CHD9: variants seen among roughly 807,000 people sequenced by gnomAD.
The protein encoded by CHD9 is chromodomain helicase DNA binding protein 9, also known as ATP-dependent chromatin remodeler CHD9.
A neutral mutation model predicts 316.1 loss-of-function variants in CHD9; 77 were observed. The observed-to-expected ratio is 0.24, with a 90% CI of 0.20 to 0.29. The LOEUF is 0.29. Among genes scored for constraint, CHD9 ranks in the 10% least tolerant of loss-of-function variants. The probability of loss-of-function intolerance (pLI) is 1.00; values close to 1 mark genes in which losing one functional copy is unlikely to be tolerated. For missense variants in CHD9, 2,763 were observed against 3,438.1 expected (o/e 0.80, Z 4.91); for synonymous variants, 1,129 against 1,158.3 (o/e 0.97, Z 0.51).
intron 31 of CHD9, among the ~76,000 whole-genome samples, chr16:53,305,664 A>G (rs1290070943): frequency 6.6e-6 from 1 of 152,214 alleles, no homozygotes; most frequent in Non-Finnish European, 1.5e-5. Context: ...GCTTGTCAGC[A>G]GAACAGTGTT....
At chr16:53,210,290 C>CA (rs5816890) in intron 3 of CHD9, among the ~76,000 whole-genome samples, 1,162 of 112,046 alleles carry the variant, frequency 0.01, 8 homozygotes, top group South Asian at 0.025. Context: ...AATGAAATGG[C>CA]AAAAAAAAAA....
At position 53,273,833 on chromosome 16, in the gene CHD9, T is replaced by C. The variant is rs543267959; in HGVS notation, c.4877+48T>C. ...ACAACTCTTTAAATGTTTACTGTTC[T>C]GAATTTATTAATACTCTTTAAGCTT... On this transcript the variant is annotated intron_variant, in intron 23 of 38. Transcript: ENST00000447540. The C allele has an allele frequency of 2.7e-6, 4 of 1,502,576 alleles. No individual in the cohort carries two copies. In the African/African-American group the frequency reaches 5.6e-5, roughly 21 times the overall value. The allele number at this position is 1,502,576 out of a possible 1,614,324, so 93.1% of individuals were successfully genotyped here.
Position 53,268,052 on chromosome 16 carries a change from A to C in CHD9, c.4643A>C (p.Lys1548Thr). The C allele has an allele frequency of 1.9e-6, 3 of 1,613,478 alleles. No homozygotes were observed. The highest frequency in any genetic ancestry group is 2.5e-6 in the Non-Finnish European group (3 of 1,179,644). Residue 1548 changes from lysine (K) to threonine (T), a missense_variant, in exon 22 of 39, where the codon AAG becomes ACG. This residue lies in a region of CHD9 where 99 missense variants were observed against 131.6 expected (regional missense o/e 0.75). Coordinates refer to ENST00000447540, the MANE Select transcript of CHD9 (RefSeq NM_001308319.2). ...YCLVHYRGDE[K>T]IKGFIWDLIT... Reference sequence around the variant, plus strand: ...CTTGTTCACTACCGAGGAGATGAGAAGATTAAAGGTTTCATATGGGATCTC... The same window carrying C: ...CTTGTTCACTACCGAGGAGATGAGACGATTAAAGGTTTCATATGGGATCTC...
chr16:53,105,129 C>T (rs1327711516), intron 1 of CHD9, among the ~76,000 whole-genome samples: 1 of 152,156 alleles, frequency 6.6e-6, no homozygotes, highest in African/African-American at 2.4e-5. Flanking sequence ...AGACATGAGT[C>T]ACCACGCGCA....
intron 2 of CHD9, among the ~76,000 whole-genome samples, chr16:53,170,872 T>G (rs1447831851): frequency 6.6e-6 from 1 of 152,064 alleles, no homozygotes; most frequent in African/African-American, 2.4e-5. Context: ...TTTTGAACAC[T>G]TATCATAAAT....
intron 1 of CHD9, among the ~76,000 whole-genome samples, chr16:53,093,286 C>G (rs1424369642): frequency 6.6e-6 from 1 of 152,168 alleles, no homozygotes; most frequent in African/African-American, 2.4e-5. Flanking sequence ...TTCTCTGAAT[C>G]GCATTAACTC....
chr16:53,225,613 C>CA (rs1475979250), intron 4 of CHD9, among the ~76,000 whole-genome samples: 1 of 151,980 alleles, frequency 6.6e-6, no homozygotes, highest in East Asian at 1.9e-4. Flanking sequence ...TATCTTACTA[C>CA]ATGTAATACT....
intron 2 of CHD9, among the ~76,000 whole-genome samples, chr16:53,195,416 C>T (rs921026580): frequency 2.6e-5 from 4 of 152,290 alleles, no homozygotes; most frequent in Admixed American, 1.3e-4. Flanking sequence ...AAATGGCACT[C>T]ATTTATTATC....
rs757165644 is a variant in CHD9 at position 53,146,419 on chromosome 16, G to GTATATATATATATATATA, written c.-164-9506_-164-9489dup. On this transcript the variant is annotated intron_variant, in intron 1 of 38. Coordinates refer to ENST00000447540, the MANE Select transcript of CHD9 (RefSeq NM_001308319.2). ...AAAAAAAAATTGTGTGTGTGTGTAT[G>GTATATATATATATATATA]TATATATATATATATATAATTAAAA... Among the ~76,000 whole-genome samples, 63 of 76,700 alleles carry GTATATATATATATATATA rather than the reference G, an allele frequency of 8.2e-4. 4 individuals are homozygous for GTATATATATATATATATA. The highest frequency in any genetic ancestry group is 2.3e-3 in the Admixed American group (13 of 5,646). The allele number at this position is 76,700 out of a possible 152,430, so 50.3% of individuals were successfully genotyped here.
At chr16:53,187,257 C>A (rs1195835959) in intron 2 of CHD9, among the ~76,000 whole-genome samples, 1 of 152,176 alleles carries the variant, frequency 6.6e-6, no homozygotes, top group African/African-American at 2.4e-5. Flanking sequence ...CCTGTAATCC[C>A]AGCACTTTGG....
Position 53,226,510 on chromosome 16 carries a change from G to T in CHD9, c.2041G>T (p.Val681Leu). ...LPGEQPLQLFVENPSEEDAAI... is the reference protein window; with the variant it reads ...LPGEQPLQLFLENPSEEDAAI... ...TGGTGAACAGCCTTTACAATTGTTTGTGGTAAGCATATTTGGGATTATGAC... is the reference window on the plus strand; with the variant it reads ...TGGTGAACAGCCTTTACAATTGTTTTTGGTAAGCATATTTGGGATTATGAC... Residue 681 changes from valine to leucine, a missense_variant and splice_region_variant, in exon 5 of 39, where the codon GTG becomes TTG. By Grantham distance (32) the Val-to-Leu change is conservative. Around this residue, in one of 15 missense-constraint regions of CHD9, gnomAD observed 859 missense variants for 890.4 expected, o/e 0.96. Transcript: ENST00000447540. 1 of 1,595,746 alleles carries T rather than the reference G, an allele frequency of 6.3e-7. No individual in the cohort carries two copies. The highest frequency in any genetic ancestry group is 8.5e-7 in the Non-Finnish European group (1 of 1,175,676).
chr16:53,065,213 C>T (rs1444547940), intron 1 of CHD9, among the ~76,000 whole-genome samples: 2 of 152,158 alleles, frequency 1.3e-5, no homozygotes, highest in African/African-American at 4.8e-5. Context: ...CTGAGGGATA[C>T]AAGAGTCTAG....
At chr16:53,251,732 C>G (rs969967546) in intron 17 of CHD9, among the ~76,000 whole-genome samples, 1 of 152,126 alleles carries the variant, frequency 6.6e-6, no homozygotes, top group Non-Finnish European at 1.5e-5. Flanking sequence ...AGTCAGAACT[C>G]AAGATAAAAT....
intron 30 of CHD9, among the ~76,000 whole-genome samples, chr16:53,301,858 G>A (rs749154398): frequency 8.1e-5 from 12 of 148,710 alleles, no homozygotes; most frequent in African/African-American, 7.4e-5. Flanking sequence ...CTCCGCCCCC[G>A]GGTTCATGCC....
intron 16 of CHD9, 160 bp downstream of exon 16, chr16:53,247,663 T>C (rs996420098): frequency 2.9e-5 from 18 of 616,274 alleles, no homozygotes; most frequent in Non-Finnish European, 5.0e-5. Flanking sequence ...TTATGTGTTA[T>C]ATTTTCCTAA....
intron 1 of CHD9, among the ~76,000 whole-genome samples, chr16:53,149,091 A>C (rs1164225750): frequency 2.6e-5 from 4 of 152,172 alleles, no homozygotes; most frequent in Non-Finnish European, 1.5e-5. Context: ...ATCGATATTT[A>C]GGTTTATTCC....
At chr16:53,129,129 C>T (rs2039101002) in intron 1 of CHD9, among the ~76,000 whole-genome samples, 1 of 152,164 alleles carries the variant, frequency 6.6e-6, no homozygotes, top group Non-Finnish European at 1.5e-5. Flanking sequence ...ATAATTATAG[C>T]ACTGCTCTTT....
intron 1 of CHD9, among the ~76,000 whole-genome samples, chr16:53,140,833 T>C (rs1160765501): frequency 6.6e-6 from 1 of 152,244 alleles, no homozygotes; most frequent in Non-Finnish European, 1.5e-5. Flanking sequence ...GAAGTGGTTC[T>C]ACAGCCTTGG....
Position 53,304,555 on chromosome 16 carries a change from TTCCTCC to T in CHD9, c.6561_6566del (p.Ser2192_Ser2193del), listed in dbSNP as rs748852783. The T allele has an allele frequency of 3.9e-6, 6 of 1,540,586 alleles. No individual in the cohort carries two copies. Among genetic ancestry groups the T allele is most frequent in the Non-Finnish European group, 4.4e-6 (5 of 1,136,946 alleles). ...CTTCTTCATCCTCTTCCTCCACCTCTTCCTCCTCCTCCTCCTCTTCATCTTCATCAG... is the reference window on the plus strand; with the variant it reads ...CTTCTTCATCCTCTTCCTCCACCTCTTCCTCCTCCTCTTCATCTTCATCAG... On this transcript the variant is annotated inframe_deletion, in exon 31 of 39. Coordinates refer to ENST00000447540, the MANE Select transcript of CHD9 (RefSeq NM_001308319.2).
Sources: allele counts gnomAD v4.1 joint callset (sites outside exome capture counted in the v4.1 genomes callset), GRCh38; gene constraint gnomAD v4.1.1; regional missense constraint gnomAD v4.1.1; transcripts MANE v1.5; gene names NCBI Gene and HGNC (gene_info 2026-07-23, HGNC 2026-07-21).